ESRRG: variants seen among roughly 807,000 people sequenced by gnomAD.
ESRRG encodes estrogen-related receptor gamma.
A neutral mutation model predicts 44.0 loss-of-function variants in ESRRG; 13 were observed. The observed-to-expected ratio is 0.30, with a 90% CI of 0.19 to 0.47. The LOEUF is 0.47. Ranked by LOEUF, ESRRG falls within the 20% of genes least tolerant of loss-of-function variation. ESRRG has a pLI of 1.00. For missense variants in ESRRG, 395 were observed against 580.6 expected, an observed-to-expected ratio of 0.68 and a Z score of 3.29; for synonymous variants, 215 against 214.6, an observed-to-expected ratio of 1.00 and a Z score of -0.02.
At chr1:216,569,081 A>AAAGG (rs56064287) in intron 3 of ESRRG, among the ~76,000 whole-genome samples, 10,563 of 98,108 alleles carry the variant, frequency 0.11, 1,136 homozygotes, top group East Asian at 0.42. Flanking sequence ...AGACAGAGAG[A>AAAGG]AAGGAAGGAA....
chr1:216,533,303 T>G (rs1026885301), intron 5 of ESRRG, among the ~76,000 whole-genome samples: 7 of 152,052 alleles, frequency 4.6e-5, no homozygotes, highest in African/African-American at 7.3e-5. Context: ...AGATGTGACA[T>G]GCTGCATTCG....
At chr1:216,694,549 TTTTTATTTTA>T (rs536680655) in intron 1 of ESRRG, among the ~76,000 whole-genome samples, 2 of 152,066 alleles carry the variant, frequency 1.3e-5, no homozygotes, top group African/African-American at 2.4e-5. Context: ...TATCTTTTCT[TTTTTATTTTA>T]TTTTATTTTA....
intron 3 of ESRRG, among the ~76,000 whole-genome samples, chr1:216,572,144 T>C (rs2060920390): frequency 6.6e-6 from 1 of 152,164 alleles, no homozygotes; most frequent in African/African-American, 2.4e-5. Flanking sequence ...ATCTTATTAT[T>C]GGTATTATTT....
intron 1 of ESRRG, among the ~76,000 whole-genome samples, chr1:216,696,120 T>C (rs1027828310): frequency 1.3e-5 from 2 of 152,218 alleles, no homozygotes; most frequent in African/African-American, 4.8e-5. Flanking sequence ...GGAAAGTTTG[T>C]TCTTTTTCTT....
intron 2 of ESRRG, among the ~76,000 whole-genome samples, chr1:216,755,634 G>T (rs1318607611): frequency 1.3e-5 from 2 of 151,866 alleles, no homozygotes; most frequent in Admixed American, 6.6e-5. Context: ...CTCAATCCTT[G>T]CTGTCAGTCC....
At chr1:216,570,888 C>T (rs2149657471) in intron 3 of ESRRG, among the ~76,000 whole-genome samples, 1 of 152,294 alleles carries the variant, frequency 6.6e-6, no homozygotes, top group South Asian at 2.1e-4. Flanking sequence ...TCACTGTTAG[C>T]AATATGTCCT....
intron 3 of ESRRG, among the ~76,000 whole-genome samples, chr1:216,598,427 AC>A (rs1421054833): frequency 6.6e-6 from 1 of 152,208 alleles, no homozygotes; most frequent in African/African-American, 2.4e-5. Context: ...AGAATATTCA[AC>A]AAAAATCGCT....
At chr1:216,908,900 AT>A (rs932433855) in intron 2 of ESRRG, among the ~76,000 whole-genome samples, 10 of 151,758 alleles carry the variant, frequency 6.6e-5, no homozygotes, top group Admixed American at 2.0e-4. Flanking sequence ...TTAGGGAACA[AT>A]TTTTTTTCAA....
intron 1 of ESRRG, chr1:216,707,423 G>T (rs745766169): frequency 6.5e-7 from 1 of 1,535,642 alleles, no homozygotes; most frequent in South Asian, 1.2e-5. Flanking sequence ...TCACATTCTC[G>T]CCACATTCAG....
chr1:216,612,211 G>A (rs879895806), intron 3 of ESRRG, among the ~76,000 whole-genome samples: 2 of 152,152 alleles, frequency 1.3e-5, no homozygotes, highest in Non-Finnish European at 2.9e-5. Flanking sequence ...TACTCTGTAG[G>A]TAGAACCTAC....
intron 1 of ESRRG, among the ~76,000 whole-genome samples, chr1:217,119,547 T>C (rs1235740619): frequency 6.6e-6 from 1 of 152,200 alleles, no homozygotes; most frequent in East Asian, 1.9e-4. Context: ...CACAATCCCT[T>C]TTCCTGTGAA....
chr1:216,836,067 G>A (rs1433367543), intron 2 of ESRRG, among the ~76,000 whole-genome samples: 1 of 145,252 alleles, frequency 6.9e-6, no homozygotes, highest in African/African-American at 2.6e-5. Context: ...TGTGCAGAGT[G>A]AGGGACACAG....
At chr1:216,795,820 G>A (rs545829969) in intron 2 of ESRRG, among the ~76,000 whole-genome samples, 4 of 152,200 alleles carry the variant, frequency 2.6e-5, no homozygotes, top group South Asian at 4.1e-4. Context: ...CATCTTTGAT[G>A]GAAATAGGAG....
chr1:216,654,687 A>G (rs2069981605), intron 2 of ESRRG, among the ~76,000 whole-genome samples: 2 of 152,130 alleles, frequency 1.3e-5, no homozygotes, highest in African/African-American at 4.8e-5. Flanking sequence ...TAGCTTTGAC[A>G]AAAATGGAAA....
chr1:216,547,313 T>G (rs1202389980), intron 5 of ESRRG, among the ~76,000 whole-genome samples: 1 of 151,892 alleles, frequency 6.6e-6, no homozygotes, highest in Admixed American at 6.6e-5. Flanking sequence ...TGAGAAAGAG[T>G]AAAATTCAAC....
At chr1:217,075,599 A>C (rs1318468189) in intron 1 of ESRRG, among the ~76,000 whole-genome samples, 87 of 106,932 alleles carry the variant, frequency 8.1e-4, no homozygotes, top group East Asian at 1.7e-3. Context: ...TCCCCCCCCC[A>C]ACATTAATTA....
At chr1:216,584,402 G>A (rs979155442) in intron 3 of ESRRG, among the ~76,000 whole-genome samples, 8 of 151,686 alleles carry the variant, frequency 5.3e-5, no homozygotes, top group Admixed American at 4.6e-4. Flanking sequence ...GACTACAGGC[G>A]CCCGCCACCT....
intron 2 of ESRRG, among the ~76,000 whole-genome samples, chr1:216,778,835 C>T (rs904065503): frequency 2.3e-4 from 35 of 151,774 alleles, no homozygotes; most frequent in East Asian, 2.0e-3. Flanking sequence ...AGAAATGAAG[C>T]TCATTACTAA....
chr1:216,810,108 T>C (rs773973118), intron 2 of ESRRG, among the ~76,000 whole-genome samples: 2 of 152,080 alleles, frequency 1.3e-5, no homozygotes, highest in Non-Finnish European at 2.9e-5. Context: ...GAATCTTTTA[T>C]GAGTGGTGGT....
Sources: gnomAD v4.1 joint callset for allele counts (sites outside exome capture counted in the v4.1 genomes callset) on GRCh38, gnomAD v4.1.1 for gene constraint, MANE v1.5 for transcripts, NCBI Gene and HGNC (gene_info 2026-07-23, HGNC 2026-07-21) for gene names.